GPC3: variants seen among roughly 807,000 people sequenced by gnomAD.
GPC3 encodes the protein glypican 3.
GPC3 carries 3 observed loss-of-function variants against 34.4 expected under a neutral mutation model. The observed-to-expected ratio is 0.09, with a 90% confidence interval of 0.04 to 0.23. The LOEUF is 0.23. GPC3 is among the 10% of genes least tolerant of loss of function. The pLI is 1.00. For missense variants in GPC3, 351 were observed against 445.6 expected, an observed-to-expected ratio of 0.79 and a Z score of 1.91; for synonymous variants, 177 against 174.0, an observed-to-expected ratio of 1.02 and a Z score of -0.13.
At chrX:133,822,651 G>A (rs1346604758) in intron 2 of GPC3, among the ~76,000 whole-genome samples, 1 of 111,200 alleles carries the variant, frequency 9.0e-6, no homozygotes, top group African/African-American at 3.3e-5. Flanking sequence ...GAGATTTCAG[G>A]CATCCACTAG....
chrX:133,773,166 C>T (rs1037362323), intron 2 of GPC3, among the ~76,000 whole-genome samples: 3 of 111,478 alleles, frequency 2.7e-5, no homozygotes, highest in Non-Finnish European at 5.6e-5. Context: ...TTGAGATTCT[C>T]CTGCCTCAGC....
At chrX:133,647,648 C>T (rs2070557975) in intron 6 of GPC3, among the ~76,000 whole-genome samples, 1 of 111,982 alleles carries the variant, frequency 8.9e-6, no homozygotes, top group Admixed American at 9.5e-5. Flanking sequence ...CTGCTTCCCT[C>T]TGGGGCCCCC....
intron 5 of GPC3, among the ~76,000 whole-genome samples, chrX:133,666,692 A>G (rs2070771212): frequency 1.8e-5 from 2 of 112,454 alleles, no homozygotes; most frequent in African/African-American, 6.5e-5. Flanking sequence ...TTAGAATGAA[A>G]TACTATGAGC....
chrX:133,733,729 A>G (rs2071484078), intron 3 of GPC3, among the ~76,000 whole-genome samples: 1 of 111,653 alleles, frequency 9.0e-6, no homozygotes, highest in African/African-American at 3.2e-5. Context: ...GGCCTTATAT[A>G]CATAAAAAGA....
chrX:133,679,133 T>C (rs1020106767), intron 5 of GPC3, among the ~76,000 whole-genome samples: 2 of 111,543 alleles, frequency 1.8e-5, no homozygotes, highest in Non-Finnish European at 3.8e-5. Context: ...TGGGGATAGG[T>C]GGATTTGCTT....
At chrX:133,898,166 G>GTAAT (rs1293949167) in intron 2 of GPC3, among the ~76,000 whole-genome samples, 1 of 111,689 alleles carries the variant, frequency 9.0e-6, no homozygotes, top group Non-Finnish European at 1.9e-5. Context: ...TCCCACTTTG[G>GTAAT]TAATATAGCA....
intron 2 of GPC3, among the ~76,000 whole-genome samples, chrX:133,869,427 C>G (rs1439154406): frequency 8.9e-6 from 1 of 111,802 alleles, no homozygotes; most frequent in East Asian, 2.8e-4. Context: ...CTAACAGATA[C>G]TTTCCTGTAT....
chrX:133,622,719 T>C (rs894416419), intron 6 of GPC3, among the ~76,000 whole-genome samples: 1 of 111,645 alleles, frequency 9.0e-6, no homozygotes, highest in Non-Finnish European at 1.9e-5. Context: ...ACAGGGAGAA[T>C]GGAACCAAGT....
intron 2 of GPC3, among the ~76,000 whole-genome samples, chrX:133,825,514 C>T (rs778151238): frequency 8.9e-6 from 1 of 111,895 alleles, no homozygotes; most frequent in Non-Finnish European, 1.9e-5. Flanking sequence ...AAAGCATTTT[C>T]TTGGGGAGGA....
At chrX:133,735,446 T>C (rs1382079546) in intron 3 of GPC3, among the ~76,000 whole-genome samples, 1 of 111,569 alleles carries the variant, frequency 9.0e-6, no homozygotes, top group Non-Finnish European at 1.9e-5. Context: ...TCATACCATA[T>C]ACAAAAATTA....
intron 2 of GPC3, among the ~76,000 whole-genome samples, chrX:133,939,924 C>A (rs769056410): frequency 5.4e-5 from 6 of 111,240 alleles, no homozygotes; most frequent in African/African-American, 2.0e-4. Flanking sequence ...GACAATTTCC[C>A]CTGATCTTTA....
chrX:133,711,674 C>T (rs1230750016), intron 3 of GPC3, among the ~76,000 whole-genome samples: 3 of 111,958 alleles, frequency 2.7e-5, no homozygotes, highest in African/African-American at 9.7e-5. Flanking sequence ...TTTATTTGTC[C>T]TTTTTACTCT....
At position 133,542,634 on chromosome X, in the gene GPC3, T is replaced by A. The variant is rs886934656; in HGVS notation, c.1574-6341A>T. Among the ~76,000 whole-genome samples the A allele has an allele frequency of 2.7e-5, 3 of 112,443 alleles. No individual in the cohort carries two copies. The Admixed American group carries it at 2.8e-4, about 11-fold the overall frequency. ...AGCTTGCATCAGCAGATGGCTTCAA[T>A]CTGGCCCTAATATAGCAACAGAGCA... On this transcript the variant is annotated intron_variant, in intron 7 of 7. Coordinates refer to ENST00000370818, the MANE Select transcript of GPC3 (RefSeq NM_004484.4).
intron 7 of GPC3, 133 bp downstream of exon 7, chrX:133,596,307 C>G (rs1410767720): frequency 1.6e-6 from 1 of 608,976 alleles, no homozygotes; most frequent in East Asian, 3.3e-5. Flanking sequence ...CTTGTATAGT[C>G]TTTCCTTGAA....
chrX:133,859,878 G>A (rs977194371), intron 2 of GPC3, among the ~76,000 whole-genome samples: 2 of 111,670 alleles, frequency 1.8e-5, no homozygotes, highest in Admixed American at 9.5e-5. Flanking sequence ...TATCAGCATC[G>A]GCTTCTGCAA....
intron 7 of GPC3, among the ~76,000 whole-genome samples, chrX:133,558,770 A>G (rs2069515805): frequency 1.8e-5 from 2 of 108,840 alleles, no homozygotes; most frequent in Admixed American, 2.0e-4. Flanking sequence ...AGGGCCTGCA[A>G]TCCCAGCTAC....
chrX:133,781,674 G>A (rs767096243), intron 2 of GPC3, among the ~76,000 whole-genome samples: 1 of 111,366 alleles, frequency 9.0e-6, no homozygotes, highest in African/African-American at 3.3e-5. Context: ...TGGGAAGGTG[G>A]GGAAGAGGCA....
chrX:133,788,088 T>TTTTA (rs1291090668), intron 2 of GPC3, among the ~76,000 whole-genome samples: 3 of 64,917 alleles, frequency 4.6e-5, no homozygotes, highest in East Asian at 1.3e-3. Context: ...TCATATTATT[T>TTTTA]TATATATATA....
intron 3 of GPC3, among the ~76,000 whole-genome samples, chrX:133,724,139 G>A (rs1242687165): frequency 2.7e-5 from 3 of 111,947 alleles, no homozygotes; most frequent in Admixed American, 9.5e-5. Context: ...AAGAGGTTAA[G>A]TGATTGCCCA....
Sources: gnomAD v4.1 joint callset for allele counts (sites outside exome capture counted in the v4.1 genomes callset) on GRCh38, gnomAD v4.1.1 for gene constraint, MANE v1.5 for transcripts, NCBI Gene and HGNC (gene_info 2026-07-23, HGNC 2026-07-21) for gene names.